The following PCDHGA10 variants were observed in gnomAD, a reference collection of about 807,000 sequenced individuals.
PCDHGA10 encodes protocadherin gamma-A10.
PCDHGA10 carries 42 observed loss-of-function variants against 59.5 expected under a neutral mutation model. The observed-to-expected ratio is 0.71, with a 90% confidence interval of 0.55 to 0.91. The LOEUF is 0.91. PCDHGA10 is among the 40% of genes least tolerant of loss of function. The pLI, the probability that PCDHGA10 is intolerant of heterozygous loss-of-function variation, is 0.00. For synonymous variants in PCDHGA10, 511 were observed against 517.2 expected (o/e 0.99, Z 0.16); for missense variants, 1,111 against 1,198.2 (o/e 0.93, Z 1.07).
rs1596285501 is a variant in PCDHGA10, at chr5:141,510,367, C to A, written c.2585-580C>A. Among the ~76,000 whole-genome samples the A allele has an allele frequency of 5.0e-5, 7 of 140,362 alleles. 1 individual carries two copies. In the South Asian group the frequency reaches 1.6e-3, roughly 31 times the overall value. The allele number at this position is 140,362 out of a possible 152,430, so 92.1% of individuals were successfully genotyped here. A position where few individuals can be genotyped will look rare whatever the true frequency, so the allele number is the denominator to read the frequency against. On this transcript the variant is annotated intron_variant, in intron 3 of 3. Transcript: ENST00000398610. ...ACACTTACTAACGGAACTACCGAAT[C>A]TCTACTCGTGCCAGGCCTTGCTTGG...
At position 141,487,763 on chromosome 5, in the gene PCDHGA10, G is replaced by A; in HGVS notation, c.2437-7044G>A. ...AAGAGGTAACTATGTGGTAGACGCT[G>A]TGCTTTGTAACTGTTTCGTGAATTA... On this transcript the variant is annotated intron_variant, in intron 1 of 3. Coordinates refer to ENST00000398610, the MANE Select transcript of PCDHGA10 (RefSeq NM_018913.3). This position sits in a 1 kb window ranked among gnomAD's most constrained non-coding sequence, Gnocchi z 5.0. 6.5e-7 allele frequency: 1 copy of A among 1,544,968 alleles called. No homozygotes were observed. The highest frequency in any genetic ancestry group is 1.2e-5 in the South Asian group (1 of 83,382).
intron 1 of PCDHGA10, among the ~76,000 whole-genome samples, chr5:141,484,138 G>A (rs184277779): frequency 6.6e-6 from 1 of 152,244 alleles, no homozygotes; most frequent in Admixed American, 6.5e-5. Context: ...TCAGATAAAG[G>A]GAATTTGTAG....
At chr5:141,451,925 G>A (rs1391178313) in intron 1 of PCDHGA10, among the ~76,000 whole-genome samples, 2 of 152,012 alleles carry the variant, frequency 1.3e-5, no homozygotes, top group East Asian at 3.8e-4. Context: ...AGGAAGGGAG[G>A]TAGGGAGGCA....
Position 141,511,035 on chromosome 5 carries a change from C to A in PCDHGA10, c.2673C>A (p.His891Gln). Residue 891 changes from histidine to glutamine, a missense_variant, in exon 4 of 4, where the codon CAC becomes CAA. Physicochemically the swap from His to Gln is conservative, Grantham distance 24 (BLOSUM62 0). Transcript: ENST00000398610. The stretch of plus-strand genomic sequence containing the variant: ...ACGGACCCCAGTTCACCCTGCAGCA[C>A]GTGCCCGACTACCGCCAGAATGTCT... ...ARYGPQFTLQ[H>Q]VPDYRQNVYI... 2 of 1,614,208 alleles carry A rather than the reference C, an allele frequency of 1.2e-6. No individual in the cohort carries two copies. The highest frequency in any genetic ancestry group is 1.1e-5 in the South Asian group (1 of 91,088).
intron 1 of PCDHGA10, among the ~76,000 whole-genome samples, chr5:141,468,198 G>A (rs992118435): frequency 9.2e-5 from 14 of 151,854 alleles, no homozygotes; most frequent in Admixed American, 7.2e-4. Context: ...GGTGGCGGGT[G>A]CCTGTAATTC....
chr5:141,447,328 C>T (rs546209008), intron 1 of PCDHGA10, among the ~76,000 whole-genome samples: 39 of 151,886 alleles, frequency 2.6e-4, no homozygotes, highest in Admixed American at 7.2e-4. Flanking sequence ...TTAGTAGAGA[C>T]GGGTTTCATC....
rs1562063782 is a variant in PCDHGA10, at chr5:141,477,676, A to G, written c.2437-17131A>G. ...TAAATCGTGACAATGGCATAGTGTC[A>G]TCCTTAGTGCCCCTAGACTATGAGG... On this transcript the variant is annotated intron_variant, in intron 1 of 3. Coordinates refer to ENST00000398610, the MANE Select transcript of PCDHGA10 (RefSeq NM_018913.3). This position sits in a 1 kb window ranked among gnomAD's most constrained non-coding sequence, Gnocchi z 4.9. The G allele has an allele frequency of 1.2e-6, 2 of 1,614,194 alleles. No homozygotes were observed. The highest frequency in any genetic ancestry group is 1.7e-6 in the Non-Finnish European group (2 of 1,180,046).
intron 1 of PCDHGA10, among the ~76,000 whole-genome samples, chr5:141,469,723 C>G (rs2099209474): frequency 6.6e-6 from 1 of 152,210 alleles, no homozygotes; most frequent in Non-Finnish European, 1.5e-5. Context: ...AGGAATTTAT[C>G]ATAAATACAC....
chr5:141,428,358 G>T, intron 1 of PCDHGA10: 1 of 565,492 alleles, frequency 1.8e-6, no homozygotes, highest in Non-Finnish European at 3.2e-6. Flanking sequence ...TGATTTTGGC[G>T]GTCGCCTTGC....
chr5:141,452,463 G>A (rs2098741767), intron 1 of PCDHGA10, among the ~76,000 whole-genome samples: 1 of 152,160 alleles, frequency 6.6e-6, no homozygotes, highest in African/African-American at 2.4e-5. Flanking sequence ...AGCAGACGGA[G>A]CTAGGAAAAA....
intron 1 of PCDHGA10, chr5:141,478,866 C>G: frequency 7.7e-7 from 1 of 1,304,352 alleles, no homozygotes; most frequent in East Asian, 2.5e-5. Context: ...TCTCAGCGAT[C>G]AGAGTTTAGC....
intron 1 of PCDHGA10, among the ~76,000 whole-genome samples, chr5:141,443,722 C>G (rs2098401001): frequency 6.6e-6 from 1 of 152,012 alleles, no homozygotes; most frequent in Admixed American, 6.6e-5. Context: ...TATAAAATTC[C>G]TCATACATTT....
intron 1 of PCDHGA10, among the ~76,000 whole-genome samples, chr5:141,472,145 A>G (rs1376068421): frequency 6.6e-6 from 1 of 152,244 alleles, no homozygotes; most frequent in Non-Finnish European, 1.5e-5. Flanking sequence ...TAAAAGTTTC[A>G]TGGTTACATA....
Position 141,511,378 on chromosome 5 carries a change from T to C in PCDHGA10, c.*205T>C. 1 of 1,202,114 alleles carries C rather than the reference T, an allele frequency of 8.3e-7. No homozygotes were observed. The highest frequency in any genetic ancestry group is 1.1e-6 in the Non-Finnish European group (1 of 882,194). The allele number at this position is 1,202,114 out of a possible 1,614,324, so 74.5% of individuals were successfully genotyped here. A position where few individuals can be genotyped will look rare whatever the true frequency, so the allele number is the denominator to read the frequency against. On this transcript the variant is annotated 3_prime_UTR_variant, in exon 4 of 4. Coordinates refer to ENST00000398610, the MANE Select transcript of PCDHGA10 (RefSeq NM_018913.3). ...AGGGGGTTGAATATGCAAAAGCAGT[T>C]CCGCTGGGAACCCCCATCCAATCAA...
chr5:141,476,483 G>T lies in PCDHGA10; in HGVS notation c.2437-18324G>T. On this transcript the variant is annotated intron_variant, in intron 1 of 3. Coordinates refer to ENST00000398610, the MANE Select transcript of PCDHGA10 (RefSeq NM_018913.3). The surrounding 1 kb of genome is among the most constrained non-coding windows in gnomAD (Gnocchi z 7.6). ...CCCGCTGGAGCTGTTCAGCGTGGAA[G>T]TGGTGATCCAGGACATCAACGACAA... 6.2e-7 allele frequency: 1 copy of T among 1,614,166 alleles called. No homozygotes were observed. The highest frequency in any genetic ancestry group is 8.5e-7 in the Non-Finnish European group (1 of 1,180,034).
rs2099629540 is a variant in PCDHGA10, at chr5:141,486,436, T to C, written c.2437-8371T>C. 2 of 1,614,188 alleles carry C rather than the reference T, an allele frequency of 1.2e-6. No individual in the cohort carries two copies. The highest frequency in any genetic ancestry group is 1.7e-6 in the Non-Finnish European group (2 of 1,180,020). On this transcript the variant is annotated intron_variant, in intron 1 of 3. Coordinates refer to ENST00000398610, the MANE Select transcript of PCDHGA10 (RefSeq NM_018913.3). This position sits in a 1 kb window ranked among gnomAD's most constrained non-coding sequence, Gnocchi z 5.0. ...TGGATCGAGAGGCCAAATCTAGCTA[T>C]GACATCATGGTCACTGCTTCTGATG... is the stretch of plus-strand genomic sequence containing the variant.
At chr5:141,421,762 T>G (rs1272315856) in intron 1 of PCDHGA10, 2 of 1,613,884 alleles carry the variant, frequency 1.2e-6, no homozygotes, top group Non-Finnish European at 8.5e-7. Context: ...TAATAATTAC[T>G]TTTCCTTGCA....
At chr5:141,449,737 A>T (rs1174103155) in intron 1 of PCDHGA10, among the ~76,000 whole-genome samples, 3 of 151,666 alleles carry the variant, frequency 2.0e-5, no homozygotes, top group Non-Finnish European at 4.4e-5. Flanking sequence ...TTTTTATGAC[A>T]TGATTATTTT....
chr5:141,421,850 C>T, intron 1 of PCDHGA10: 1 of 1,613,752 alleles, frequency 6.2e-7, no homozygotes, highest in Non-Finnish European at 8.5e-7. Context: ...AAAGAGGCTG[C>T]TCACCTGCTC....
Sources: gnomAD v4.1 joint callset for allele counts (sites outside exome capture counted in the v4.1 genomes callset) on GRCh38, gnomAD v4.1.1 for gene constraint, Gnocchi (gnomAD v3.1) non-coding constraint, MANE v1.5 for transcripts, NCBI Gene and HGNC (gene_info 2026-07-23, HGNC 2026-07-21) for gene names.